The following ATP1B1 variants were observed in gnomAD, a reference collection of about 807,000 sequenced individuals.
ATP1B1 encodes sodium/potassium-transporting ATPase subunit beta-1.
ATP1B1 carries 3 observed loss-of-function variants against 39.6 expected under a neutral mutation model. The observed-to-expected ratio is 0.08, with a 90% CI of 0.03 to 0.20. The LOEUF is 0.20. Ranked by LOEUF, ATP1B1 falls within the 10% of genes least tolerant of loss-of-function variation. The pLI is 1.00. For missense variants in ATP1B1, 216 were observed against 371.1 expected, an observed-to-expected ratio of 0.58 and a Z score of 3.43; for synonymous variants, 139 against 135.0, an observed-to-expected ratio of 1.03 and a Z score of -0.20.
intron 1 of ATP1B1, 26 bp from the exon 2 acceptor site, chr1:169,111,344 G>C (rs778326112): frequency 6.2e-7 from 1 of 1,613,334 alleles, no homozygotes; most frequent in African/African-American, 1.3e-5. Flanking sequence ...CTGCATCACA[G>C]CTTTTTGTTT....
intron 1 of ATP1B1, among the ~76,000 whole-genome samples, chr1:169,107,567 A>G (rs1302288233): frequency 6.6e-6 from 1 of 152,152 alleles, no homozygotes; most frequent in African/African-American, 2.4e-5. Flanking sequence ...GAAACCTGGC[A>G]AAGTCTGGTT....
At chr1:169,119,080 A>G (rs1438807348) in intron 2 of ATP1B1, among the ~76,000 whole-genome samples, 3 of 152,236 alleles carry the variant, frequency 2.0e-5, no homozygotes, top group South Asian at 4.1e-4. Context: ...TGTGCTATCA[A>G]CACTTACTAA....
chr1:169,115,240 C>A (rs1657818119), intron 2 of ATP1B1, among the ~76,000 whole-genome samples: 1 of 149,294 alleles, frequency 6.7e-6, no homozygotes. Flanking sequence ...TCTGTGAGAA[C>A]TAAATGAGAT....
chr1:169,110,240 C>T (rs1657698272), intron 1 of ATP1B1, among the ~76,000 whole-genome samples: 1 of 152,120 alleles, frequency 6.6e-6, no homozygotes. Flanking sequence ...TGTGTACCCA[C>T]TCCCTCCCTG....
intron 1 of ATP1B1, among the ~76,000 whole-genome samples, chr1:169,107,714 A>G (rs182964458): frequency 1.3e-5 from 2 of 151,984 alleles, no homozygotes; most frequent in East Asian, 1.9e-4. Context: ...ACTTTTTTCC[A>G]TCGAAAATTA....
rs2101796750 is a variant in ATP1B1, at chr1:169,131,834, T to C, written c.*279T>C. On this transcript the variant is annotated 3_prime_UTR_variant, in exon 6 of 6. Transcript: ENST00000367815. The surrounding 1 kb of genome is among the most constrained non-coding windows in gnomAD (Gnocchi z 4.4). ...AAATTATGATTCCGTAACTGACTTG[T>C]AGTAAGCAGTGTTTCTGGCCCCTAA... 1 of 423,828 alleles carries C rather than the reference T, an allele frequency of 2.4e-6. No individual in the cohort carries two copies. Among genetic ancestry groups the C allele is most frequent in the Non-Finnish European group, 4.2e-6 (1 of 238,164 alleles). The allele number at this position is 423,828 out of a possible 1,614,324, so 26.3% of individuals were successfully genotyped here. A position where few individuals can be genotyped will look rare whatever the true frequency, so the allele number is the denominator to read the frequency against.
chr1:169,109,198 G>T (rs78356300), intron 1 of ATP1B1, among the ~76,000 whole-genome samples: 7,797 of 152,314 alleles, frequency 0.051, 630 homozygotes, highest in African/African-American at 0.18. Flanking sequence ...ATGCCTGCCT[G>T]TGACCTTTTG....
intron 2 of ATP1B1, among the ~76,000 whole-genome samples, chr1:169,122,798 C>T (rs186458720): frequency 5.3e-4 from 70 of 132,112 alleles, no homozygotes; most frequent in Middle Eastern, 5.7e-3. Context: ...GCTAGGTTGC[C>T]TGGGCTGGTC....
chr1:169,131,224 T>TC lies in ATP1B1; in HGVS notation c.649-68_649-67insC. The TC allele has an allele frequency of 6.6e-7, 1 of 1,517,002 alleles. No homozygotes were observed. The highest frequency in any genetic ancestry group is 1.4e-5 in the South Asian group (1 of 73,934). The allele number at this position is 1,517,002 out of a possible 1,614,324, so 94.0% of individuals were successfully genotyped here. A position where few individuals can be genotyped will look rare whatever the true frequency, so the allele number is the denominator to read the frequency against. ...TGCAAACTACTGTGTAGATTGAGTC[T>TC]TGTTTTTGAGTACACATAGTGATGC... On this transcript the variant is annotated intron_variant, in intron 5 of 5. Transcript: ENST00000367815. The surrounding 1 kb of genome is among the most constrained non-coding windows in gnomAD (Gnocchi z 4.4).
At chr1:169,110,445 T>C (rs1170884315) in intron 1 of ATP1B1, among the ~76,000 whole-genome samples, 2 of 152,198 alleles carry the variant, frequency 1.3e-5, no homozygotes, top group African/African-American at 4.8e-5. Context: ...ATTGAGTCGT[T>C]TGGCTGGCAC....
chr1:169,109,008 G>A (rs1557946189), intron 1 of ATP1B1, among the ~76,000 whole-genome samples: 1 of 152,222 alleles, frequency 6.6e-6, no homozygotes, highest in Admixed American at 6.5e-5. Context: ...TGCCCTTGGG[G>A]CGAGGGCAGG....
chr1:169,118,751 G>C (rs939740722), intron 2 of ATP1B1, among the ~76,000 whole-genome samples: 1 of 151,864 alleles, frequency 6.6e-6, no homozygotes, highest in Admixed American at 6.6e-5. Flanking sequence ...TTTTCAACTC[G>C]GAATGTATAG....
In ATP1B1 at chr1:169,131,944, CTG is replaced by C. The variant is rs1658231454; in HGVS notation, c.*391_*392del. 9.5e-6 allele frequency: 3 copies of C among 315,210 alleles called. No homozygotes were observed. Among genetic ancestry groups the C allele is most frequent in the Non-Finnish European group, 1.8e-5 (3 of 169,358 alleles). The allele number at this position is 315,210 out of a possible 1,614,324, so 19.5% of individuals were successfully genotyped here. A position where few individuals can be genotyped will look rare whatever the true frequency, so the allele number is the denominator to read the frequency against. On this transcript the variant is annotated 3_prime_UTR_variant, in exon 6 of 6. Transcript: ENST00000367815. This position sits in a 1 kb window ranked among gnomAD's most constrained non-coding sequence, Gnocchi z 4.4. ...TTTTTCAAGCCATGTTTTATTGTAT[CTG>C]TTTTCTACTTTATGTGAGCAAGGTT... is the stretch of plus-strand genomic sequence containing the variant.
intron 4 of ATP1B1, among the ~76,000 whole-genome samples, chr1:169,128,303 A>G (rs3766044): frequency 0.41 from 62,416 of 152,084 alleles, 14,602 homozygotes; most frequent in Non-Finnish European, 0.53. Context: ...AACTCATTTC[A>G]TTTCTGAAAT....
At chr1:169,119,888 C>T (rs913072011) in intron 2 of ATP1B1, among the ~76,000 whole-genome samples, 1 of 151,778 alleles carries the variant, frequency 6.6e-6, no homozygotes, top group Non-Finnish European at 1.5e-5. Flanking sequence ...GTCTGATAAT[C>T]CTAAAGTAAA....
intron 2 of ATP1B1, 70 bp downstream of exon 2, chr1:169,111,568 A>G (rs1657732172): frequency 9.0e-6 from 14 of 1,561,366 alleles, no homozygotes; most frequent in Non-Finnish European, 9.5e-6. Flanking sequence ...ATTGAGAAAA[A>G]ATTCTTTGGA....
At chr1:169,117,208 C>G (rs919834598) in intron 2 of ATP1B1, among the ~76,000 whole-genome samples, 1 of 152,302 alleles carries the variant, frequency 6.6e-6, no homozygotes, top group Non-Finnish European at 1.5e-5. Context: ...CTCCTCCTCC[C>G]TTCCCACCCT....
In ATP1B1 at chr1:169,128,763, G is replaced by A. The variant is rs1057446593; in HGVS notation, c.568-1247G>A. 3.9e-5 allele frequency among the ~76,000 whole-genome samples: 6 copies of A among 152,190 alleles called. No individual in the cohort carries two copies. In the South Asian group the frequency reaches 6.2e-4, roughly 16 times the overall value. The stretch of plus-strand genomic sequence containing the variant: ...TACCTTGCTTTTGACATTACTCATC[G>A]TAGACACTGAATGACATTTGGACCC... On this transcript the variant is annotated intron_variant, in intron 4 of 5. Coordinates refer to ENST00000367815, the MANE Select transcript of ATP1B1 (RefSeq NM_001677.4).
Position 169,127,237 on chromosome 1 carries a change from A to G in ATP1B1, c.396A>G (p.Glu132=). Reference sequence around the variant, plus strand: ...TTTTATTTTTAGATGTGCCCAGTGAACCGAAAGAACGAGGAGACTTTAATC... The same window carrying G: ...TTTTATTTTTAGATGTGCCCAGTGAGCCGAAAGAACGAGGAGACTTTAATC... ...IFEDCGDVPS[E]PKERGDFNHE... is the part of the protein sequence containing the mutation. The change falls in exon 4 of 6, where the codon GAA becomes GAG. Residue 132 remains glutamate, a synonymous_variant. Coordinates refer to ENST00000367815, the MANE Select transcript of ATP1B1 (RefSeq NM_001677.4). 1.9e-6 allele frequency: 3 copies of G among 1,579,936 alleles called. No individual in the cohort carries two copies. Among genetic ancestry groups the G allele is most frequent in the Non-Finnish European group, 2.6e-6 (3 of 1,170,028 alleles).
Sources: gnomAD v4.1 joint callset for allele counts (sites outside exome capture counted in the v4.1 genomes callset) on GRCh38, gnomAD v4.1.1 for gene constraint, Gnocchi (gnomAD v3.1) non-coding constraint, MANE v1.5 for transcripts, NCBI Gene and HGNC (gene_info 2026-07-23, HGNC 2026-07-21) for gene names.